Variants in PKIG observed in about 807,000 individuals in gnomAD.
PKIG encodes protein kinase (cAMP-dependent, catalytic) inhibitor gamma.
In PKIG, 1 loss-of-function variant was observed where a neutral mutation model predicts 6.8. The ratio of observed to expected loss-of-function variants is 0.15; its 90% CI spans 0.05 to 0.69. The LOEUF is 0.69. Among genes scored for constraint, PKIG ranks in the 30% least tolerant of loss-of-function variants. The pLI is 0.82. For synonymous variants in PKIG, 39 were observed against 43.0 expected, an observed-to-expected ratio of 0.91 and a Z score of 0.36; for missense variants, 77 against 104.0, an observed-to-expected ratio of 0.74 and a Z score of 1.13.
At chr20:44,533,380 T>C (rs1488077563) in intron 1 of PKIG, among the ~76,000 whole-genome samples, 1 of 152,206 alleles carries the variant, frequency 6.6e-6, no homozygotes, top group Non-Finnish European at 1.5e-5. Context: ...AGGCACTGTG[T>C]AGGTAGTAAG....
Position 44,614,579 on chromosome 20 carries a change from A to G in PKIG, c.23A>G (p.Tyr8Cys). Residue 8 changes from tyrosine to cysteine, a missense_variant, in exon 3 of 4, where the codon TAC becomes TGC. Transcript: ENST00000372886. This position sits in a 1 kb window ranked among gnomAD's most constrained non-coding sequence, Gnocchi z 4.6. MMEVESSYSDFISCDRTG... is the reference protein window; with the variant it reads MMEVESSCSDFISCDRTG... ...GGCATGATGGAGGTCGAGTCCTCCT[A>G]CTCGGACTTCATCTCCTGTGACCGG... 1 of 1,613,878 alleles carries G rather than the reference A, an allele frequency of 6.2e-7. No individual in the cohort carries two copies. Among genetic ancestry groups the G allele is most frequent in the Non-Finnish European group, 8.5e-7 (1 of 1,179,964 alleles).
At chr20:44,551,794 G>A (rs369999677) in intron 1 of PKIG, among the ~76,000 whole-genome samples, 3 of 152,166 alleles carry the variant, frequency 2.0e-5, no homozygotes, top group Admixed American at 6.5e-5. Flanking sequence ...CAGAGTTGAG[G>A]TAATAAAGGT....
chr20:44,549,037 A>C (rs893883480), intron 1 of PKIG, among the ~76,000 whole-genome samples: 1 of 152,232 alleles, frequency 6.6e-6, no homozygotes, highest in Admixed American at 6.5e-5. Flanking sequence ...TGAGAGTTAT[A>C]TAAACCCAGA....
intron 1 of PKIG, among the ~76,000 whole-genome samples, chr20:44,576,102 C>T (rs1448682455): frequency 3.3e-5 from 5 of 151,236 alleles, no homozygotes; most frequent in Admixed American, 2.0e-4. Flanking sequence ...GTTCAGAAGA[C>T]GTGGTGCTTT....
At chr20:44,558,216 T>C (rs1334708793) in intron 1 of PKIG, among the ~76,000 whole-genome samples, 1 of 152,190 alleles carries the variant, frequency 6.6e-6, no homozygotes, top group Admixed American at 6.5e-5. Flanking sequence ...GTGGTAGTAA[T>C]AGTAATATTA....
chr20:44,598,388 G>C (rs535934906), intron 2 of PKIG, among the ~76,000 whole-genome samples: 1 of 152,202 alleles, frequency 6.6e-6, no homozygotes, highest in Admixed American at 6.5e-5. Flanking sequence ...TCTACCTCCC[G>C]AGAGGAGGAA....
upstream of PKIG, among the ~76,000 whole-genome samples, chr20:44,578,900 G>C (rs1353659153): frequency 6.6e-6 from 1 of 152,070 alleles, no homozygotes; most frequent in East Asian, 1.9e-4. Context: ...AACCAGGCAC[G>C]GTGGCTCACA....
chr20:44,537,432 A>T (rs1036592993), intron 1 of PKIG, among the ~76,000 whole-genome samples: 4 of 151,210 alleles, frequency 2.6e-5, no homozygotes, highest in Non-Finnish European at 4.4e-5. Context: ...ATGGGGTTTC[A>T]CCATGTTGGC....
At chr20:44,583,878 C>T (rs1025743432) in intron 1 of PKIG, among the ~76,000 whole-genome samples, 7 of 152,208 alleles carry the variant, frequency 4.6e-5, no homozygotes, top group African/African-American at 1.7e-4. Context: ...GCCTGTAGGA[C>T]AGTTAAAAGA....
At chr20:44,607,875 G>A (rs1202246921) in intron 2 of PKIG, among the ~76,000 whole-genome samples, 4 of 151,914 alleles carry the variant, frequency 2.6e-5, no homozygotes, top group Admixed American at 6.6e-5. Context: ...TAGTAGAGAC[G>A]GGGTTTCGCC....
chr20:44,581,071 A>C (rs763887973), upstream of PKIG, among the ~76,000 whole-genome samples: 1 of 152,124 alleles, frequency 6.6e-6, no homozygotes, highest in African/African-American at 2.4e-5. Flanking sequence ...TGGCATTGGC[A>C]TTGGCATGTG....
chr20:44,551,270 A>G lies in PKIG; in HGVS notation c.-241+19292A>G, dbSNP rs766323277. ...GGGGTTTCACCGTGTTAGCCAGGAT[A>G]GTCTTGATCTCCTGACCTTGTGATC... On this transcript the variant is annotated intron_variant, in intron 1 of 4. Coordinates refer to the PKIG transcript ENST00000372887. Among the ~76,000 whole-genome samples, 4 of 152,192 alleles carry G rather than the reference A, an allele frequency of 2.6e-5. No homozygotes were observed. In the East Asian group the frequency reaches 5.8e-4, roughly 22 times the overall value.
In PKIG at chr20:44,572,564, G is replaced by A. The variant is rs137885773; in HGVS notation, c.-240-10021G>A. ...CAACATGTGTTAGTGAGGGGGACTGGGGGTGGCGTGGGGAGGGAGTGTGTT... is the reference window on the plus strand; with the variant it reads ...CAACATGTGTTAGTGAGGGGGACTGAGGGTGGCGTGGGGAGGGAGTGTGTT... On this transcript the variant is annotated intron_variant, in intron 1 of 4. Coordinates refer to the PKIG transcript ENST00000372887. Among the ~76,000 whole-genome samples, 6 of 152,280 alleles carry A rather than the reference G, an allele frequency of 3.9e-5. No individual in the cohort carries two copies. In the East Asian group the frequency reaches 1.2e-3, roughly 29 times the overall value.
At chr20:44,617,261 G>T (rs2065273598) in intron 3 of PKIG, among the ~76,000 whole-genome samples, 1 of 152,140 alleles carries the variant, frequency 6.6e-6, no homozygotes, top group Non-Finnish European at 1.5e-5. Context: ...TTTGAACTCA[G>T]GCCCTCAGTG....
intron 2 of PKIG, among the ~76,000 whole-genome samples, chr20:44,609,588 CTT>C (rs887427664): frequency 1.3e-5 from 2 of 152,246 alleles, no homozygotes; most frequent in African/African-American, 4.8e-5. Context: ...AGCGCCTGCT[CTT>C]TACCAGGTGC....
intron 1 of PKIG, among the ~76,000 whole-genome samples, chr20:44,563,109 A>G (rs1033546554): frequency 6.6e-6 from 1 of 152,214 alleles, no homozygotes; most frequent in Admixed American, 6.5e-5. Context: ...GAAGACTACT[A>G]GCCCATCACT....
intron 1 of PKIG, among the ~76,000 whole-genome samples, chr20:44,561,704 A>G (rs2064768860): frequency 6.6e-6 from 1 of 152,188 alleles, no homozygotes; most frequent in Non-Finnish European, 1.5e-5. Context: ...TGTGGCCTCA[A>G]ACTTCTGGCC....
intron 1 of PKIG, among the ~76,000 whole-genome samples, chr20:44,575,596 A>G (rs2064890312): frequency 6.6e-6 from 1 of 152,166 alleles, no homozygotes; most frequent in South Asian, 2.1e-4. Flanking sequence ...TGGGTACTGG[A>G]AGGGTACTAA....
intron 1 of PKIG, chr20:44,564,297 T>C (rs1426297128): frequency 2.0e-5 from 3 of 152,176 alleles, no homozygotes; most frequent in Non-Finnish European, 4.4e-5. Context: ...CCAAAGGAAT[T>C]GGAATGAGCA....
Sources: allele counts gnomAD v4.1 joint callset (sites outside exome capture counted in the v4.1 genomes callset), GRCh38; gene constraint gnomAD v4.1.1; non-coding constraint Gnocchi (gnomAD v3.1); transcripts MANE v1.5; gene names NCBI Gene and HGNC (gene_info 2026-07-23, HGNC 2026-07-21).